RBFOX1: variants seen among roughly 807,000 people sequenced by gnomAD.
The protein encoded by RBFOX1 is RNA binding fox-1 homolog 1.
In RBFOX1, 8 loss-of-function variants were observed where a neutral mutation model predicts 57.7. The ratio of observed to expected loss-of-function variants is 0.14; its 90% CI spans 0.08 to 0.25. The LOEUF is 0.25. Among genes scored for constraint, RBFOX1 ranks in the 10% least tolerant of loss-of-function variants. RBFOX1 has a pLI of 1.00. For synonymous variants in RBFOX1, 326 were observed against 222.4 expected, an observed-to-expected ratio of 1.47 and a Z score of -4.15; for missense variants, 611 against 548.5, an observed-to-expected ratio of 1.11 and a Z score of -1.14.
intron 5 of RBFOX1, among the ~76,000 whole-genome samples, chr16:7,539,628 T>C (rs1369584684): frequency 6.6e-6 from 1 of 152,172 alleles, no homozygotes; most frequent in Non-Finnish European, 1.5e-5. Flanking sequence ...CCACCAGGCA[T>C]TGGTGATCCA....
chr16:6,899,263 AT>A (rs2067850309), intron 3 of RBFOX1, among the ~76,000 whole-genome samples: 1 of 151,992 alleles, frequency 6.6e-6, no homozygotes, highest in Non-Finnish European at 1.5e-5. Flanking sequence ...GCATGTGTGT[AT>A]AACGTGTGCA....
intron 4 of RBFOX1, among the ~76,000 whole-genome samples, chr16:7,273,588 C>G (rs1167103779): frequency 6.6e-6 from 1 of 152,084 alleles, no homozygotes; most frequent in Non-Finnish European, 1.5e-5. Context: ...GGAAAAGTTG[C>G]AAACAAGATA....
chr16:5,754,129 G>C (rs1380005016), intron 3 of RBFOX1, among the ~76,000 whole-genome samples: 2 of 152,296 alleles, frequency 1.3e-5, no homozygotes, highest in South Asian at 4.1e-4. Context: ...AGCCATGCAA[G>C]TATTTTCCTG....
At chr16:5,242,440 A>T (rs1285476128) in intron 1 of RBFOX1, among the ~76,000 whole-genome samples, 1 of 152,140 alleles carries the variant, frequency 6.6e-6, no homozygotes, top group Non-Finnish European at 1.5e-5. Context: ...CCCAAAGCCC[A>T]CTGCTGCCCA....
chr16:5,636,176 C>T (rs533738066), intron 3 of RBFOX1, among the ~76,000 whole-genome samples: 60 of 152,164 alleles, frequency 3.9e-4, no homozygotes, highest in African/African-American at 1.4e-3. Context: ...GGTGAAACCC[C>T]ATCTCTACTA....
At chr16:6,811,331 G>T (rs1190975503) in intron 3 of RBFOX1, among the ~76,000 whole-genome samples, 1 of 152,154 alleles carries the variant, frequency 6.6e-6, no homozygotes, top group African/African-American at 2.4e-5. Flanking sequence ...AGTAATACTG[G>T]ATAAGATTTA....
chr16:6,087,022 A>G (rs2096095775), intron 1 of RBFOX1, among the ~76,000 whole-genome samples: 1 of 152,228 alleles, frequency 6.6e-6, no homozygotes, highest in Non-Finnish European at 1.5e-5. Flanking sequence ...GGGTAGATAT[A>G]CATTGAGTGG....
At chr16:5,731,738 G>C (rs945803701) in intron 3 of RBFOX1, among the ~76,000 whole-genome samples, 1 of 152,182 alleles carries the variant, frequency 6.6e-6, no homozygotes. Context: ...AATGTGGGTA[G>C]GGAGAATAGC....
At chr16:6,401,206 A>G (rs893002745) in intron 2 of RBFOX1, among the ~76,000 whole-genome samples, 4 of 152,196 alleles carry the variant, frequency 2.6e-5, no homozygotes, top group African/African-American at 9.6e-5. Flanking sequence ...AGCATGTCCA[A>G]AGGACACAGG....
At chr16:6,242,832 C>T (rs2097547228) in intron 1 of RBFOX1, among the ~76,000 whole-genome samples, 1 of 151,914 alleles carries the variant, frequency 6.6e-6, no homozygotes, top group African/African-American at 2.4e-5. Flanking sequence ...TAATTCTGAC[C>T]CTATGCCTTT....
intron 4 of RBFOX1, chr16:7,304,431 C>G (rs1329787050): frequency 2.0e-6 from 2 of 985,248 alleles, no homozygotes; most frequent in Non-Finnish European, 1.2e-6. Context: ...CGCTCCCCAA[C>G]GTGGGCATGT....
At chr16:6,865,470 C>G (rs929550845) in intron 3 of RBFOX1, among the ~76,000 whole-genome samples, 1 of 151,948 alleles carries the variant, frequency 6.6e-6, no homozygotes, top group African/African-American at 2.4e-5. Flanking sequence ...CCCCACACAC[C>G]CAGGCACCTT....
chr16:7,586,898 G>A (rs879732476), intron 6 of RBFOX1, among the ~76,000 whole-genome samples: 4 of 152,204 alleles, frequency 2.6e-5, no homozygotes, highest in Non-Finnish European at 5.9e-5. Flanking sequence ...GTTTCTCCCA[G>A]TGTTTAGTGG....
At chr16:6,255,739 G>T (rs191235517) in intron 1 of RBFOX1, among the ~76,000 whole-genome samples, 2 of 152,176 alleles carry the variant, frequency 1.3e-5, no homozygotes, top group African/African-American at 4.8e-5. Context: ...CATGTCCTTT[G>T]CAGGGACATG....
chr16:6,058,380 A>C (rs1182502635), intron 1 of RBFOX1, among the ~76,000 whole-genome samples: 1 of 150,710 alleles, frequency 6.6e-6, no homozygotes, highest in Non-Finnish European at 1.5e-5. Context: ...TGTGTTAAAG[A>C]TCCAACCTTT....
At chr16:7,339,299 G>A (rs886293790) in intron 4 of RBFOX1, among the ~76,000 whole-genome samples, 1 of 152,184 alleles carries the variant, frequency 6.6e-6, no homozygotes, top group Non-Finnish European at 1.5e-5. Context: ...TGTGAACTAG[G>A]ACTAGGTGAT....
intron 4 of RBFOX1, among the ~76,000 whole-genome samples, chr16:7,396,203 G>C (rs2098136469): frequency 6.6e-6 from 1 of 152,076 alleles, no homozygotes; most frequent in Non-Finnish European, 1.5e-5. Flanking sequence ...GCAACCCTCT[G>C]CTGTGTCTCC....
intron 1 of RBFOX1, among the ~76,000 whole-genome samples, chr16:6,243,292 G>A (rs2097549907): frequency 6.6e-6 from 1 of 152,058 alleles, no homozygotes; most frequent in South Asian, 2.1e-4. Context: ...TTTGTTCTTT[G>A]TACTTTCAAA....
At chr16:7,403,320 A>G (rs1331876486) in intron 4 of RBFOX1, among the ~76,000 whole-genome samples, 2 of 152,094 alleles carry the variant, frequency 1.3e-5, no homozygotes, top group Non-Finnish European at 1.5e-5. Context: ...TATACATTAG[A>G]CGTCTAGAAT....
Sources: allele counts gnomAD v4.1 joint callset (sites outside exome capture counted in the v4.1 genomes callset), GRCh38; gene constraint gnomAD v4.1.1; transcripts MANE v1.5; gene names NCBI Gene and HGNC (gene_info 2026-07-23, HGNC 2026-07-21).